Variants in KIF1B observed in about 807,000 individuals in gnomAD.
KIF1B encodes the protein kinesin family member 1B.
A neutral mutation model predicts 241.9 loss-of-function variants in KIF1B; 76 were observed. That is an observed-to-expected ratio of 0.31 (90% CI 0.26 to 0.38). The LOEUF is 0.38. Ranked by LOEUF, KIF1B falls within the 10% of genes least tolerant of loss-of-function variation. KIF1B has a pLI of 1.00. For synonymous variants in KIF1B, 750 were observed against 796.7 expected (o/e 0.94, Z 0.99); for missense variants, 1,622 against 2,271.4 (o/e 0.71, Z 5.81).
In KIF1B at chr1:10,261,933, A is replaced by G. The variant is rs776533873; in HGVS notation, c.392A>G (p.Asn131Ser). The stretch of plus-strand genomic sequence containing the variant: ...TGTGAAGAACTTTTTGAGAAAATCA[A>G]TGACAACTGTAATGAAGAAATGTCT... ...QLCEELFEKI[N>S]DNCNEEMSYS... The change falls in exon 5 of 49, where the codon AAT (asparagine) becomes AGT (serine). Residue 131 changes from asparagine to serine, a missense_variant. Transcript: ENST00000676179. 35 of 1,612,082 alleles carry G rather than the reference A, an allele frequency of 2.2e-5. No individual in the cohort carries two copies. Among genetic ancestry groups the G allele is most frequent in the Middle Eastern group, 1.6e-4 (1 of 6,084 alleles).
rs1446607063 is a variant in KIF1B at position 10,380,914 on chromosome 1, T to C, written c.*4327T>C. The C allele has an allele frequency of 4.6e-6, 1 of 219,452 alleles. No individual in the cohort carries two copies. The highest frequency in any genetic ancestry group is 9.2e-6 in the Non-Finnish European group (1 of 109,184). The allele number at this position is 219,452 out of a possible 1,614,324, so 13.6% of individuals were successfully genotyped here. A position where few individuals can be genotyped will look rare whatever the true frequency, so the allele number is the denominator to read the frequency against. The stretch of plus-strand genomic sequence containing the variant: ...TATCAGCTGAGAGATTATTTGCTGC[T>C]GTTATTCAAAAGGCCATTTATGAAG... On this transcript the variant is annotated 3_prime_UTR_variant, in exon 49 of 49. Transcript: ENST00000676179.
intron 31 of KIF1B, among the ~76,000 whole-genome samples, chr1:10,338,090 C>G (rs1301452904): frequency 6.6e-6 from 1 of 152,090 alleles, no homozygotes; most frequent in Non-Finnish European, 1.5e-5. Flanking sequence ...TCAAGACTGC[C>G]CCAGGAAAAC....
chr1:10,260,994 T>C (rs1005067845), intron 4 of KIF1B, among the ~76,000 whole-genome samples: 3 of 151,546 alleles, frequency 2.0e-5, no homozygotes, highest in African/African-American at 7.3e-5. Context: ...TGAGACAGAG[T>C]CTTGCTTTGT....
At chr1:10,212,056 A>T (rs567091134) in intron 1 of KIF1B, among the ~76,000 whole-genome samples, 1 of 152,308 alleles carries the variant, frequency 6.6e-6, no homozygotes, top group African/African-American at 2.4e-5. Context: ...AGCTGAAATT[A>T]GATTGTCAAC....
In KIF1B at chr1:10,359,204, A is replaced by C. The variant is rs1433966946; in HGVS notation, c.4056-1725A>C. ...TGTTTAGAGGGAGGATATGCCAGCT[A>C]CTTATCATAGGAAGTCTAGAAAAGG... On this transcript the variant is annotated intron_variant, in intron 38 of 48. Coordinates refer to ENST00000676179, the MANE Select transcript of KIF1B (RefSeq NM_001365951.3). 5.3e-5 allele frequency among the ~76,000 whole-genome samples: 8 copies of C among 152,200 alleles called. No homozygotes were observed. The South Asian group carries it at 1.7e-3, about 31-fold the overall frequency.
At chr1:10,305,577 T>C in intron 22 of KIF1B, 1 of 1,058,546 alleles carries the variant, frequency 9.4e-7, no homozygotes, top group Non-Finnish European at 1.1e-6. Context: ...TTTTTTCCAA[T>C]AGTTGATGAA....
intron 37 of KIF1B, among the ~76,000 whole-genome samples, chr1:10,351,047 C>A: frequency 7.3e-6 from 1 of 137,698 alleles, no homozygotes; most frequent in Admixed American, 7.8e-5. Context: ...ATGATCATGC[C>A]ACTGCATGAC....
intron 1 of KIF1B, among the ~76,000 whole-genome samples, chr1:10,231,378 C>CTTTTTTTTTTTTTT (rs35213507): frequency 2.3e-5 from 2 of 85,736 alleles, no homozygotes. Context: ...GTTCAGTGCC[C>CTTTTTTTTTTTTTT]TTTTTTTTTT....
intron 7 of KIF1B, among the ~76,000 whole-genome samples, chr1:10,269,021 T>A (rs1648633359): frequency 6.6e-6 from 1 of 152,118 alleles, no homozygotes; most frequent in Admixed American, 6.5e-5. Flanking sequence ...TAATAAAAAA[T>A]TTATGTTGAA....
intron 22 of KIF1B, among the ~76,000 whole-genome samples, chr1:10,308,872 A>G (rs965596771): frequency 6.6e-6 from 1 of 152,240 alleles, no homozygotes; most frequent in African/African-American, 2.4e-5. Flanking sequence ...AAGATGAATA[A>G]GGATATTACT....
In KIF1B at chr1:10,347,894, A is replaced by G. The variant is rs982284461; in HGVS notation, c.3864+67A>G. The G allele has an allele frequency of 3.2e-6, 4 of 1,255,452 alleles. No individual in the cohort carries two copies. The African/African-American group carries it at 5.9e-5, about 19-fold the overall frequency. 77.8% of individuals were successfully genotyped at this position (1,255,452 alleles called of 1,614,324 possible). The stretch of plus-strand genomic sequence containing the variant: ...AAAAGAATTTAGAATAAGAGACGGA[A>G]TTCTTTCTTATTCTCTGTTTTCATC... On this transcript the variant is annotated intron_variant, in intron 36 of 48. Transcript: ENST00000676179.
chr1:10,264,280 G>A (rs993601910), intron 5 of KIF1B, among the ~76,000 whole-genome samples: 2 of 152,216 alleles, frequency 1.3e-5, no homozygotes, highest in African/African-American at 2.4e-5. Flanking sequence ...ATTTAGTGGT[G>A]TATACCAATT....
chr1:10,339,976 C>T, intron 32 of KIF1B, 117 bp downstream of exon 32: 6 of 850,938 alleles, frequency 7.1e-6, no homozygotes, highest in Non-Finnish European at 1.2e-5. Flanking sequence ...GGAGAGTAGA[C>T]AATAGAGGGC....
intron 45 of KIF1B, among the ~76,000 whole-genome samples, chr1:10,372,443 G>T (rs915599669): frequency 9.2e-5 from 14 of 151,710 alleles, no homozygotes; most frequent in Admixed American, 6.6e-4. Flanking sequence ...GGCTCACATG[G>T]GAGGATTGCT....
rs1638858260 is a variant in KIF1B, at chr1:10,375,523, A to G, written c.5408+150A>G. 1.7e-5 allele frequency: 12 copies of G among 720,256 alleles called. No individual in the cohort carries two copies. In the South Asian group the frequency reaches 1.7e-4, roughly 10 times the overall value. The allele number at this position is 720,256 out of a possible 1,614,324, so 44.6% of individuals were successfully genotyped here. ...CTCAGCCTCCCCAGTAGCTGAGACT[A>G]CAGGCACGTGCCACCATTGCCTGGC... On this transcript the variant is annotated intron_variant, in intron 48 of 48. Coordinates refer to ENST00000676179, the MANE Select transcript of KIF1B (RefSeq NM_001365951.3).
At chr1:10,261,815 G>T in intron 4 of KIF1B, 90 bp from the exon 5 acceptor site, 1 of 809,034 alleles carries the variant, frequency 1.2e-6, no homozygotes. Context: ...GAGCAAGAAA[G>T]GACGTCTGGC....
intron 14 of KIF1B, among the ~76,000 whole-genome samples, chr1:10,281,952 T>C (rs559976885): frequency 6.6e-6 from 1 of 152,360 alleles, no homozygotes; most frequent in South Asian, 2.1e-4. Flanking sequence ...TCTGAAGACA[T>C]TGTAGACTAG....
In KIF1B at chr1:10,379,908, C is replaced by T. The variant is rs1404609080; in HGVS notation, c.*3321C>T. The T allele has an allele frequency of 8.7e-6, 2 of 229,760 alleles. No individual in the cohort carries two copies. The highest frequency in any genetic ancestry group is 1.7e-5 in the Non-Finnish European group (2 of 115,764). The allele number at this position is 229,760 out of a possible 1,614,324, so 14.2% of individuals were successfully genotyped here. On this transcript the variant is annotated 3_prime_UTR_variant, in exon 49 of 49. Coordinates refer to ENST00000676179, the MANE Select transcript of KIF1B (RefSeq NM_001365951.3). The stretch of plus-strand genomic sequence containing the variant: ...GGCAAGGGGTGCTTGTGGCAGTGGC[C>T]GGGCACCTGAGCCCCAGCTCGTTGT...
intron 39 of KIF1B, 60 bp from the exon 40 acceptor site, chr1:10,361,632 T>C: frequency 1.2e-6 from 2 of 1,604,490 alleles, no homozygotes; most frequent in Non-Finnish European, 8.5e-7. Flanking sequence ...CGTTCGTGTA[T>C]AGACTCTAGT....
Sources: gnomAD v4.1 joint callset for allele counts (sites outside exome capture counted in the v4.1 genomes callset) on GRCh38, gnomAD v4.1.1 for gene constraint, MANE v1.5 for transcripts, NCBI Gene and HGNC (gene_info 2026-07-23, HGNC 2026-07-21) for gene names.